Variants in BMF observed in about 807,000 individuals in gnomAD.
BMF encodes Bcl2 modifying factor.
BMF carries 10 observed loss-of-function variants against 22.0 expected under a neutral mutation model. The observed-to-expected ratio is 0.45, with a 90% confidence interval of 0.28 to 0.77. The LOEUF is 0.77. Among genes scored for constraint, BMF ranks in the 30% least tolerant of loss-of-function variants. BMF has a pLI of 0.13. For missense variants in BMF, 206 were observed against 226.8 expected (o/e 0.91, Z 0.59); for synonymous variants, 87 against 88.1 (o/e 0.99, Z 0.07).
intron 3 of BMF, among the ~76,000 whole-genome samples, 180 bp downstream of exon 3, chr15:40,105,615 G>T (rs1464139285): frequency 6.6e-6 from 1 of 152,198 alleles, no homozygotes; most frequent in African/African-American, 2.4e-5. Context: ...CCCTTTGGGG[G>T]GTCTGAGGCA....
intron 4 of BMF, among the ~76,000 whole-genome samples, chr15:40,103,870 A>C (rs1259246261): frequency 6.6e-6 from 1 of 152,218 alleles, no homozygotes; most frequent in Non-Finnish European, 1.5e-5. Flanking sequence ...AGCCACGGCC[A>C]TAAGAAGAGA....
Position 40,104,279 on chromosome 15 carries a change from C to T in BMF, c.354G>A (p.Glu118=). The change falls in exon 4 of 5, where the codon GAG becomes GAA. Residue 118 remains glutamate (E), a synonymous_variant. Transcript: ENST00000354670. ...GTTGCCACTGCCCTTCGGGGGGCTG[C>T]TCCCCAATGGGCAAGACTGCTGGGA... ...ASFPAVLPIG[E]QPPEGQWQHQ... is the part of the protein sequence containing the mutation. The T allele has an allele frequency of 1.9e-6, 3 of 1,614,244 alleles. No homozygotes were observed. The highest frequency in any genetic ancestry group is 1.7e-6 in the Non-Finnish European group (2 of 1,180,048).
At chr15:40,094,658 T>C (rs2036317741) in intron 4 of BMF, among the ~76,000 whole-genome samples, 1 of 152,138 alleles carries the variant, frequency 6.6e-6, no homozygotes, top group Non-Finnish European at 1.5e-5. Flanking sequence ...TCTCCAGGCC[T>C]CTCCCAGACC....
chr15:40,094,806 G>A (rs1390774879), intron 4 of BMF, among the ~76,000 whole-genome samples: 1 of 152,176 alleles, frequency 6.6e-6, no homozygotes, highest in East Asian at 1.9e-4. Flanking sequence ...TAGAAATATT[G>A]GAAAATACAA....
chr15:40,099,184 G>A (rs1176433381), intron 4 of BMF, among the ~76,000 whole-genome samples: 1 of 152,218 alleles, frequency 6.6e-6, no homozygotes, highest in Non-Finnish European at 1.5e-5. Flanking sequence ...GCCAGCTTAA[G>A]TTCCAGAAAA....
At chr15:40,102,249 C>T (rs2036491694) in intron 4 of BMF, among the ~76,000 whole-genome samples, 1 of 151,710 alleles carries the variant, frequency 6.6e-6, no homozygotes, top group African/African-American at 2.4e-5. Flanking sequence ...GCTGACATGG[C>T]GAAACCCCGT....
At chr15:40,104,401 C>T in intron 3 of BMF, 61 bp from the exon 4 acceptor site, 1 of 1,586,082 alleles carries the variant, frequency 6.3e-7, no homozygotes, top group South Asian at 1.1e-5. Flanking sequence ...CTCCCTACGC[C>T]TGCCTGACCT....
In BMF at chr15:40,091,542, C is replaced by G. The variant is rs564605432; in HGVS notation, c.*245G>C. On this transcript the variant is annotated 3_prime_UTR_variant, in exon 5 of 5. Coordinates refer to ENST00000354670, the MANE Select transcript of BMF (RefSeq NM_001003940.2). Reference sequence around the variant, plus strand: ...GAGCCCTTGGGAATTCTCACCATCACAGACACATCAGCCTCTCCTTCAACA... The same window carrying G: ...GAGCCCTTGGGAATTCTCACCATCAGAGACACATCAGCCTCTCCTTCAACA... 4 of 443,640 alleles carry G rather than the reference C, an allele frequency of 9.0e-6. No individual in the cohort carries two copies. The South Asian group carries it at 1.8e-4, about 19-fold the overall frequency. The allele number at this position is 443,640 out of a possible 1,614,324, so 27.5% of individuals were successfully genotyped here.
rs138436230 is a variant in BMF at position 40,101,038 on chromosome 15, T to G, written c.453+3142A>C. Among the ~76,000 whole-genome samples, 11 of 152,304 alleles carry G rather than the reference T, an allele frequency of 7.2e-5. No individual in the cohort carries two copies. The East Asian group carries it at 2.1e-3, about 29-fold the overall frequency. ...TCTAGGGTTGCTTTTCTTGGCTCTC[T>G]AAATCCAGCCCGCAATGATGGGGAA... On this transcript the variant is annotated intron_variant, in intron 4 of 4. Transcript: ENST00000354670.
At chr15:40,105,381 G>A (rs537579802) in intron 3 of BMF, among the ~76,000 whole-genome samples, 2 of 152,256 alleles carry the variant, frequency 1.3e-5, no homozygotes, top group South Asian at 2.1e-4. Flanking sequence ...GGCAACTGGG[G>A]GCCACCTTCT....
intron 4 of BMF, among the ~76,000 whole-genome samples, chr15:40,096,783 G>C (rs2036370789): frequency 1.3e-5 from 2 of 152,148 alleles, no homozygotes. Flanking sequence ...ATTGTTTCCA[G>C]ATCATTAACT....
In BMF at chr15:40,090,361, G is replaced by A. The variant is rs771719767; in HGVS notation, c.*1426C>T. ...AGCCCTGAGGTCTTCTTTGTCCAGG[G>A]AAGCCGTCTTTCCTTTGGGCCTTAC... On this transcript the variant is annotated 3_prime_UTR_variant, in exon 5 of 5. Transcript: ENST00000354670. The A allele has an allele frequency of 6.5e-6, 1 of 152,676 alleles. No individual in the cohort carries two copies. The highest frequency in any genetic ancestry group is 1.5e-5 in the Non-Finnish European group (1 of 68,046). 9.5% of individuals were successfully genotyped at this position (152,676 alleles called of 1,614,324 possible). A position where few individuals can be genotyped will look rare whatever the true frequency, so the allele number is the denominator to read the frequency against.
chr15:40,093,131 G>A (rs2036279605), intron 4 of BMF, among the ~76,000 whole-genome samples: 1 of 152,246 alleles, frequency 6.6e-6, no homozygotes, highest in Admixed American at 6.5e-5. Flanking sequence ...AGAGCTTCCA[G>A]GTTCTGTCCA....
intron 4 of BMF, among the ~76,000 whole-genome samples, chr15:40,092,474 C>CAT: frequency 6.6e-6 from 1 of 152,152 alleles, no homozygotes; most frequent in East Asian, 1.9e-4. Context: ...CACACACACA[C>CAT]ACCCTTGTGC....
Position 40,091,804 on chromosome 15 carries a change from C to A in BMF, c.538G>T (p.Gly180Trp), listed in dbSNP as rs555721433. 1 of 1,608,600 alleles carries A rather than the reference C, an allele frequency of 6.2e-7. No individual in the cohort carries two copies. The highest frequency in any genetic ancestry group is 1.7e-5 in the Admixed American group (1 of 59,618). The change falls in exon 5 of 5, where the codon GGG (glycine) becomes TGG (tryptophan). Residue 180 changes from glycine (G) to tryptophan (W), a missense_variant. Coordinates refer to ENST00000354670, the MANE Select transcript of BMF (RefSeq NM_001003940.2). Reference protein sequence around the residue: ...LALNGEENRNGAGPR With the variant: ...LALNGEENRNWAGPR The stretch of plus-strand genomic sequence containing the variant: ...GCCCACCCTCACCTAGGGCCTGCCC[C>A]GTTCCTGTTCTCTTCTCCATTCAAA...
At position 40,089,366 on chromosome 15, in the gene BMF, C is replaced by T. The variant is rs1030288788; in HGVS notation, c.*2421G>A. 5 of 152,346 alleles carry T rather than the reference C, an allele frequency of 3.3e-5. No individual in the cohort carries two copies. The highest frequency in any genetic ancestry group is 9.7e-5 in the African/African-American group (4 of 41,448). The allele number at this position is 152,346 out of a possible 1,614,324, so 9.4% of individuals were successfully genotyped here. The stretch of plus-strand genomic sequence containing the variant: ...TCCTTCCTGACAGCTACTCTGCCAG[C>T]TACCTCCTGGGTTTTGTTGGTGGGG... On this transcript the variant is annotated 3_prime_UTR_variant, in exon 5 of 5. Coordinates refer to ENST00000354670, the MANE Select transcript of BMF (RefSeq NM_001003940.2).
At chr15:40,095,818 C>T (rs1353444304) in intron 4 of BMF, among the ~76,000 whole-genome samples, 1 of 152,224 alleles carries the variant, frequency 6.6e-6, no homozygotes, top group Non-Finnish European at 1.5e-5. Context: ...CACAAGCAGG[C>T]ATCAGAGCCC....
At chr15:40,095,359 G>A (rs145466497) in intron 4 of BMF, among the ~76,000 whole-genome samples, 1 of 152,372 alleles carries the variant, frequency 6.6e-6, no homozygotes, top group East Asian at 1.9e-4. Context: ...AAACAGTGAG[G>A]AGGAAGGAAG....
At chr15:40,104,997 T>C (rs2036555532) in intron 3 of BMF, among the ~76,000 whole-genome samples, 1 of 152,122 alleles carries the variant, frequency 6.6e-6, no homozygotes, top group South Asian at 2.1e-4. Context: ...CCTCGCTCCT[T>C]TCCCTCTTCC....
Sources: allele counts gnomAD v4.1 joint callset (sites outside exome capture counted in the v4.1 genomes callset), GRCh38; gene constraint gnomAD v4.1.1; transcripts MANE v1.5; gene names NCBI Gene and HGNC (gene_info 2026-07-23, HGNC 2026-07-21).